BCR: variants seen among roughly 807,000 people sequenced by gnomAD.
BCR encodes the protein breakpoint cluster region protein.
A neutral mutation model predicts 138.6 loss-of-function variants in BCR; 58 were observed. The observed-to-expected ratio is 0.42, with a 90% confidence interval of 0.34 to 0.52. BCR has a LOEUF of 0.52. Ranked by LOEUF, BCR falls within the 20% of genes least tolerant of loss-of-function variation. The pLI, the probability that BCR is intolerant of heterozygous loss-of-function variation, is 0.06. For synonymous variants in BCR, 786 were observed against 730.1 expected (o/e 1.08, Z -1.23); for missense variants, 1,599 against 1,727.2 (o/e 0.93, Z 1.32).
intron 16 of BCR, among the ~76,000 whole-genome samples, chr22:23,308,586 T>C (rs968424226): frequency 3.3e-5 from 5 of 152,190 alleles, no homozygotes; most frequent in African/African-American, 1.2e-4. Context: ...ATTACAGGCG[T>C]GAGCCACCGC....
At chr22:23,210,107 A>T (rs980897757) in intron 1 of BCR, among the ~76,000 whole-genome samples, 4 of 152,200 alleles carry the variant, frequency 2.6e-5, no homozygotes, top group Non-Finnish European at 5.9e-5. Flanking sequence ...TATCTTGTGA[A>T]TTATCTGTTC....
intron 1 of BCR, among the ~76,000 whole-genome samples, chr22:23,205,957 C>T (rs1171816768): frequency 3.9e-5 from 6 of 152,126 alleles, no homozygotes; most frequent in Non-Finnish European, 8.8e-5. Flanking sequence ...CAGGTGTGGG[C>T]GTCTCACATC....
intron 9 of BCR, among the ~76,000 whole-genome samples, chr22:23,284,580 C>T (rs2073689166): frequency 6.6e-6 from 1 of 152,204 alleles, no homozygotes. Flanking sequence ...CTCTTTCCTG[C>T]ATCCTGCCGT....
intron 12 of BCR, 49 bp from the exon 13 acceptor site, chr22:23,289,468 G>A: frequency 2.0e-6 from 3 of 1,511,090 alleles, no homozygotes; most frequent in African/African-American, 1.4e-5. Flanking sequence ...GGGCCAGAGG[G>A]CCAAGGAGCA....
intron 1 of BCR, among the ~76,000 whole-genome samples, chr22:23,186,176 A>G (rs1435925819): frequency 6.6e-6 from 1 of 152,212 alleles, no homozygotes; most frequent in Non-Finnish European, 1.5e-5. Flanking sequence ...CAGAAGTTGG[A>G]GGGCAGAGAG....
At chr22:23,188,813 A>G (rs531363860) in intron 1 of BCR, among the ~76,000 whole-genome samples, 7 of 152,248 alleles carry the variant, frequency 4.6e-5, no homozygotes, top group East Asian at 1.9e-4. Context: ...TTAAAATACA[A>G]TATCCATGTA....
At chr22:23,230,478 G>A (rs1318586947) in intron 1 of BCR, among the ~76,000 whole-genome samples, 3 of 152,212 alleles carry the variant, frequency 2.0e-5, no homozygotes, top group African/African-American at 7.2e-5. Flanking sequence ...GCCCCAACAG[G>A]GCTAAGCTGA....
At chr22:23,271,632 G>C (rs2073510292) in intron 6 of BCR, 40 bp downstream of exon 6, 1 of 1,598,918 alleles carries the variant, frequency 6.3e-7, no homozygotes, top group Non-Finnish European at 8.6e-7. Flanking sequence ...GCCCTCGTCA[G>C]GGAGGCTGCT....
At position 23,181,713 on chromosome 22, in the gene BCR, G is replaced by A. The variant is rs1279944174; in HGVS notation, c.753G>A (p.Leu251=). 6.2e-7 allele frequency: 1 copy of A among 1,603,992 alleles called. No homozygotes were observed. Among genetic ancestry groups the A allele is most frequent in the Admixed American group, 1.7e-5 (1 of 60,020 alleles). ...GVDGDYEDAE[L]NPRFLKDNLI... Reference sequence around the variant, plus strand: ...ACGGCGACTACGAGGACGCCGAGTTGAACCCCCGCTTCCTGAAGGACAACC... The same window carrying A: ...ACGGCGACTACGAGGACGCCGAGTTAAACCCCCGCTTCCTGAAGGACAACC... The change falls in exon 1 of 23, where the codon TTG becomes TTA. Residue 251 remains leucine, a synonymous_variant. Coordinates refer to ENST00000305877, the MANE Select transcript of BCR (RefSeq NM_004327.4).
intron 1 of BCR, among the ~76,000 whole-genome samples, chr22:23,211,911 A>G (rs2072688832): frequency 1.3e-5 from 2 of 152,076 alleles, no homozygotes; most frequent in Non-Finnish European, 2.9e-5. Context: ...CCTTCCCTCT[A>G]GATTTGGGGC....
chr22:23,186,473 C>T (rs753340383), intron 1 of BCR, among the ~76,000 whole-genome samples: 1 of 152,244 alleles, frequency 6.6e-6, no homozygotes. Flanking sequence ...CATTGTTGTA[C>T]GACCATCACT....
At chr22:23,237,883 G>A (rs771042898) in intron 1 of BCR, among the ~76,000 whole-genome samples, 22 of 152,240 alleles carry the variant, frequency 1.4e-4, no homozygotes, top group Non-Finnish European at 2.8e-4. Context: ...CAGAAGCCAG[G>A]CAAGAGGAGG....
At chr22:23,200,678 C>G (rs2072542823) in intron 1 of BCR, among the ~76,000 whole-genome samples, 1 of 152,180 alleles carries the variant, frequency 6.6e-6, no homozygotes, top group Admixed American at 6.5e-5. Flanking sequence ...CCCACCTCAG[C>G]CTTCTGAGTA....
intron 6 of BCR, among the ~76,000 whole-genome samples, chr22:23,272,308 C>T (rs528288084): frequency 6.6e-6 from 1 of 152,324 alleles, no homozygotes; most frequent in African/African-American, 2.4e-5. Flanking sequence ...TTGCAAAGAA[C>T]AGCAGCCCCC....
chr22:23,294,514 C>T (rs559180081), intron 15 of BCR, among the ~76,000 whole-genome samples: 41 of 152,316 alleles, frequency 2.7e-4, no homozygotes, highest in South Asian at 1.7e-3. Context: ...AATTCTCGTG[C>T]CTCAGCCTTA....
intron 16 of BCR, among the ~76,000 whole-genome samples, chr22:23,307,209 C>A (rs1464227271): frequency 6.6e-6 from 1 of 152,206 alleles, no homozygotes; most frequent in African/African-American, 2.4e-5. Flanking sequence ...GTTGCCCCCA[C>A]CTCAGCCTCC....
At position 23,182,028 on chromosome 22, in the gene BCR, C is replaced by G; in HGVS notation, c.1068C>G (p.Ser356Arg). The G allele has an allele frequency of 6.2e-7, 1 of 1,613,416 alleles. No homozygotes were observed. The highest frequency in any genetic ancestry group is 8.5e-7 in the Non-Finnish European group (1 of 1,179,704). The change falls in exon 1 of 23, where the codon AGC (serine) becomes AGG (arginine). Residue 356 changes from serine (S) to arginine (R), a missense_variant. Physicochemically the swap from Ser to Arg is moderately radical, Grantham distance 110. Around this residue, in one of 4 missense-constraint regions of BCR, gnomAD observed 806 missense variants for 635.0 expected, o/e 1.27. Transcript: ENST00000305877. ...GCCAGTCCAGCCGCGTGTCCCCAAGCCCCACCACCTACCGCATGTTCCGGG... is the reference window on the plus strand; with the variant it reads ...GCCAGTCCAGCCGCGTGTCCCCAAGGCCCACCACCTACCGCATGTTCCGGG... The part of the protein sequence containing the change: ...SSGQSSRVSP[S>R]PTTYRMFRDK...
At chr22:23,246,752 G>T (rs1342318822) in intron 1 of BCR, among the ~76,000 whole-genome samples, 1 of 152,156 alleles carries the variant, frequency 6.6e-6, no homozygotes. Context: ...GAAGTACCCC[G>T]TAAAGGGTGG....
At position 23,181,632 on chromosome 22, in the gene BCR, G is replaced by A. The variant is rs1235331497; in HGVS notation, c.672G>A (p.Gly224=). Reference sequence around the variant, plus strand: ...AGCACGGCGCGGGCTCGAGCGTGGGGGATGCATCCAGGCCCCCTTACCGGG... The same window carrying A: ...AGCACGGCGCGGGCTCGAGCGTGGGAGATGCATCCAGGCCCCCTTACCGGG... ...KSQHGAGSSV[G]DASRPPYRGR... The change falls in exon 1 of 23, where the codon GGG becomes GGA. Residue 224 remains glycine, a synonymous_variant. Transcript: ENST00000305877. The A allele has an allele frequency of 3.7e-6, 6 of 1,610,752 alleles. No individual in the cohort carries two copies. The highest frequency in any genetic ancestry group is 5.1e-6 in the Non-Finnish European group (6 of 1,179,980).
Sources: allele counts gnomAD v4.1 joint callset (sites outside exome capture counted in the v4.1 genomes callset), GRCh38; gene constraint gnomAD v4.1.1; regional missense constraint gnomAD v4.1.1; transcripts MANE v1.5; gene names NCBI Gene and HGNC (gene_info 2026-07-23, HGNC 2026-07-21).